DCAF6: variants seen among roughly 807,000 people sequenced by gnomAD.
DCAF6 encodes the protein DDB1- and CUL4-associated factor 6.
A neutral mutation model predicts 125.1 loss-of-function variants in DCAF6; 54 were observed. That is an observed-to-expected ratio of 0.43 (90% CI 0.35 to 0.54). The LOEUF (loss-of-function observed/expected upper bound fraction) is 0.54, where lower values mean the gene tolerates loss of function less well. Among genes scored for constraint, DCAF6 ranks in the 20% least tolerant of loss-of-function variants. The probability of loss-of-function intolerance (pLI) is 0.01; values close to 1 mark genes in which losing one functional copy is unlikely to be tolerated. For missense variants in DCAF6, 934 were observed against 1,161.7 expected (o/e 0.80, Z 2.85); for synonymous variants, 371 against 390.4 (o/e 0.95, Z 0.58).
At chr1:167,910,944 C>T in the DCAF6 span, among the ~76,000 whole-genome samples, 3 of 152,198 alleles carry the variant, frequency 2.0e-5, no homozygotes, top group African/African-American at 7.2e-5. Context: ...ATATTCCAAA[C>T]ATTGCATTCT....
At chr1:167,978,917 A>G (rs1446182778) in intron 4 of DCAF6, among the ~76,000 whole-genome samples, 4 of 152,160 alleles carry the variant, frequency 2.6e-5, no homozygotes, top group Non-Finnish European at 2.9e-5. Context: ...TCTGCCTCCT[A>G]AAGTGCTGGG....
intron 12 of DCAF6, among the ~76,000 whole-genome samples, chr1:168,028,851 T>C (rs1488741257): frequency 6.6e-6 from 1 of 152,152 alleles, no homozygotes; most frequent in East Asian, 1.9e-4. Context: ...AAATATCTAG[T>C]GATTGAAGCT....
At chr1:167,954,761 A>G (rs773898800) in intron 2 of DCAF6, among the ~76,000 whole-genome samples, 39 of 152,116 alleles carry the variant, frequency 2.6e-4, no homozygotes, top group Non-Finnish European at 3.7e-4. Context: ...AAATTTTTGT[A>G]TTTTTAAGAG....
chr1:168,040,393 A>G (rs1688369941), intron 13 of DCAF6, among the ~76,000 whole-genome samples: 1 of 152,016 alleles, frequency 6.6e-6, no homozygotes, highest in African/African-American at 2.4e-5. Flanking sequence ...ATATGCCATC[A>G]GTAGAAACCA....
At chr1:167,908,102 C>T in the DCAF6 span, among the ~76,000 whole-genome samples, 1 of 152,208 alleles carries the variant, frequency 6.6e-6, no homozygotes, top group African/African-American at 2.4e-5. Context: ...CCTGCACTCC[C>T]ATGTTTATTT....
upstream of DCAF6, among the ~76,000 whole-genome samples, chr1:167,930,858 A>G (rs1266136339): frequency 6.6e-6 from 1 of 152,264 alleles, no homozygotes; most frequent in African/African-American, 2.4e-5. Context: ...CCTTTAGCAC[A>G]TCTGCATAAA....
At chr1:167,904,063 G>T in the DCAF6 span, 1 of 922,544 alleles carries the variant, frequency 1.1e-6, no homozygotes, top group Non-Finnish European at 1.7e-6. Flanking sequence ...GGACTACCCT[G>T]GAAGGCAGCG....
the DCAF6 span, among the ~76,000 whole-genome samples, chr1:167,923,156 A>G: frequency 8.5e-5 from 13 of 152,200 alleles, 1 homozygote; most frequent in Admixed American, 8.5e-4. Context: ...AAAAATATTA[A>G]GCAGAATTAT....
chr1:168,017,211 T>A (rs2103190909), intron 11 of DCAF6, among the ~76,000 whole-genome samples: 1 of 151,524 alleles, frequency 6.6e-6, no homozygotes, highest in African/African-American at 2.4e-5. Context: ...TGACATTTAA[T>A]AATAAAACAT....
chr1:167,940,326 A>C (rs886550473), intron 1 of DCAF6, among the ~76,000 whole-genome samples: 5 of 152,174 alleles, frequency 3.3e-5, no homozygotes, highest in African/African-American at 1.2e-4. Context: ...CAGGGATTTT[A>C]ATCTTTGTGA....
chr1:168,030,556 G>T (rs1403527137), intron 12 of DCAF6, among the ~76,000 whole-genome samples: 1 of 152,204 alleles, frequency 6.6e-6, no homozygotes, highest in Non-Finnish European at 1.5e-5. Context: ...TGGTAATAGA[G>T]ATTTTGATCT....
At chr1:167,892,166 T>A in the DCAF6 span, among the ~76,000 whole-genome samples, 2 of 152,056 alleles carry the variant, frequency 1.3e-5, no homozygotes, top group Non-Finnish European at 2.9e-5. Context: ...GAGATGAGGT[T>A]TTGCCATGTT....
intron 17 of DCAF6, among the ~76,000 whole-genome samples, chr1:168,057,481 C>T (rs1000254025): frequency 6.6e-6 from 1 of 152,154 alleles, no homozygotes; most frequent in Non-Finnish European, 1.5e-5. Context: ...CTCTTTTCCT[C>T]CATTAAATGT....
chr1:167,893,920 G>A, the DCAF6 span: 42 of 1,613,322 alleles, frequency 2.6e-5, no homozygotes, highest in African/African-American at 1.5e-4. Flanking sequence ...AGGCTTCAGC[G>A]TGCATGCAAG....
chr1:168,020,759 A>G (rs1185361434), intron 11 of DCAF6, among the ~76,000 whole-genome samples: 2 of 152,130 alleles, frequency 1.3e-5, no homozygotes. Context: ...TTAATATTTG[A>G]AAATATTTAT....
chr1:167,907,521 A>T, the DCAF6 span, among the ~76,000 whole-genome samples: 1 of 152,186 alleles, frequency 6.6e-6, no homozygotes, highest in Non-Finnish European at 1.5e-5. Context: ...GAAGTGACGT[A>T]TTTCACTTTT....
At chr1:168,049,423 TTGTTGTTG>T (rs1183728881) in intron 16 of DCAF6, among the ~76,000 whole-genome samples, 11 of 95,028 alleles carry the variant, frequency 1.2e-4, no homozygotes, top group East Asian at 8.5e-4. Context: ...GTTGTTGTTG[TTGTTGTTG>T]TTTTTTTTTT....
chr1:168,008,765 T>C (rs1464608240), intron 10 of DCAF6, among the ~76,000 whole-genome samples: 1 of 151,940 alleles, frequency 6.6e-6, no homozygotes, highest in African/African-American at 2.4e-5. Flanking sequence ...ACTTGATGAT[T>C]GTTACACTCT....
chr1:167,936,796 G>A lies in DCAF6; in HGVS notation c.-116G>A. On this transcript the variant is annotated 5_prime_UTR_variant, in exon 1 of 22. Coordinates refer to ENST00000367840, the MANE Select transcript of DCAF6 (RefSeq NM_001198956.2). ...CCACCGCCATCTAACGCTGCGCCCTGGAGGCCCGGCGCGCGGATGGTGCCG... is the reference window on the plus strand; with the variant it reads ...CCACCGCCATCTAACGCTGCGCCCTAGAGGCCCGGCGCGCGGATGGTGCCG... 1.1e-6 allele frequency: 1 copy of A among 929,696 alleles called. No homozygotes were observed. Among genetic ancestry groups the A allele is most frequent in the South Asian group, 1.6e-5 (1 of 63,828 alleles). The allele number at this position is 929,696 out of a possible 1,614,324, so 57.6% of individuals were successfully genotyped here. A position where few individuals can be genotyped will look rare whatever the true frequency, so the allele number is the denominator to read the frequency against.
Sources: gnomAD v4.1 joint callset for allele counts (sites outside exome capture counted in the v4.1 genomes callset) on GRCh38, gnomAD v4.1.1 for gene constraint, MANE v1.5 for transcripts, NCBI Gene and HGNC (gene_info 2026-07-23, HGNC 2026-07-21) for gene names.